The following FMN1 variants were observed in gnomAD, a reference collection of about 807,000 sequenced individuals.
FMN1 encodes formin 1.
In FMN1, 110 loss-of-function variants were observed where a neutral mutation model predicts 132.4. That is an observed-to-expected ratio of 0.83 (90% CI 0.71 to 0.97). FMN1 has a LOEUF of 0.97. Ranked by LOEUF, FMN1 falls within the 50% of genes least tolerant of loss-of-function variation. The pLI is 0.00. For synonymous variants in FMN1, 722 were observed against 651.7 expected, an observed-to-expected ratio of 1.11 and a Z score of -1.64; for missense variants, 1,792 against 1,705.3, an observed-to-expected ratio of 1.05 and a Z score of -0.90.
intron 6 of FMN1, among the ~76,000 whole-genome samples, chr15:33,043,871 G>A (rs911969839): frequency 6.6e-6 from 1 of 152,068 alleles, no homozygotes; most frequent in African/African-American, 2.4e-5. Flanking sequence ...GCCAGAAGCA[G>A]ACAAAAGCCC....
At chr15:32,850,006 TC>T (rs1351394864) in intron 17 of FMN1, among the ~76,000 whole-genome samples, 1 of 152,212 alleles carries the variant, frequency 6.6e-6, no homozygotes, top group East Asian at 1.9e-4. Context: ...ACTTAAGTGA[TC>T]CGGAAGTCAC....
At chr15:32,874,079 T>C (rs2141391749) in intron 16 of FMN1, among the ~76,000 whole-genome samples, 1 of 146,840 alleles carries the variant, frequency 6.8e-6, no homozygotes, top group Non-Finnish European at 1.5e-5. Context: ...TGCAGTGCAA[T>C]GGCGCGATCT....
chr15:33,185,924 AT>A (rs1468275548), intron 2 of FMN1, among the ~76,000 whole-genome samples: 3 of 152,138 alleles, frequency 2.0e-5, no homozygotes, highest in Non-Finnish European at 1.5e-5. Flanking sequence ...TGCCTATTGA[AT>A]TCTATAAAAA....
intron 6 of FMN1, among the ~76,000 whole-genome samples, chr15:33,010,900 TAA>T (rs1436798368): frequency 1.4e-5 from 2 of 143,570 alleles, no homozygotes; most frequent in Non-Finnish European, 3.1e-5. Flanking sequence ...CATATTTTAC[TAA>T]AAAAAAAAAA....
At chr15:32,946,767 G>A (rs532916524) in intron 9 of FMN1, among the ~76,000 whole-genome samples, 5 of 152,310 alleles carry the variant, frequency 3.3e-5, no homozygotes, top group Admixed American at 2.0e-4. Flanking sequence ...ACATACACGA[G>A]TAAGAGGCAT....
At chr15:33,086,852 G>A (rs1446225963) in intron 5 of FMN1, among the ~76,000 whole-genome samples, 6 of 152,222 alleles carry the variant, frequency 3.9e-5, no homozygotes, top group African/African-American at 1.4e-4. Context: ...TATCTGGAAT[G>A]TTGAATGCTG....
chr15:32,890,016 T>TA (rs1292798655), intron 15 of FMN1, among the ~76,000 whole-genome samples: 1 of 152,242 alleles, frequency 6.6e-6, no homozygotes, highest in Non-Finnish European at 1.5e-5. Context: ...AGTGAGAACA[T>TA]ACGATGTTTG....
intron 10 of FMN1, among the ~76,000 whole-genome samples, chr15:32,924,287 C>T (rs553747929): frequency 2.6e-5 from 4 of 152,284 alleles, no homozygotes; most frequent in African/African-American, 7.2e-5. Flanking sequence ...AGCTTAAATA[C>T]GATACAGCTT....
Position 32,910,465 on chromosome 15 carries a change from G to A in FMN1, c.3288+9C>T, listed in dbSNP as rs1320703302. The A allele has an allele frequency of 1.9e-6, 3 of 1,566,392 alleles. No homozygotes were observed. In the South Asian group the frequency reaches 3.5e-5, roughly 18 times the overall value. ...GGAAATACTAGCTCTGTAAGTCTTT[G>A]ACACTCACGTTTTCATATAAGGCTG... is the stretch of plus-strand genomic sequence containing the variant. On this transcript the variant is annotated intron_variant, in intron 11 of 20. Transcript: ENST00000616417.
intron 17 of FMN1, among the ~76,000 whole-genome samples, chr15:32,856,525 T>C (rs1282596914): frequency 1.3e-5 from 2 of 152,198 alleles, no homozygotes; most frequent in African/African-American, 2.4e-5. Context: ...TAGCAAGTGA[T>C]TGATGGGTGA....
chr15:32,934,167 TAA>T (rs2061197307), intron 9 of FMN1, among the ~76,000 whole-genome samples: 1 of 152,168 alleles, frequency 6.6e-6, no homozygotes, highest in Admixed American at 6.5e-5. Flanking sequence ...GAGACTTACA[TAA>T]AACATTTTAT....
At chr15:33,083,583 C>A (rs1389914061) in intron 5 of FMN1, among the ~76,000 whole-genome samples, 1 of 152,194 alleles carries the variant, frequency 6.6e-6, no homozygotes, top group African/African-American at 2.4e-5. Flanking sequence ...GCTCTGGACC[C>A]TTCCAGACCT....
chr15:33,004,602 A>G (rs1392546223), intron 7 of FMN1, among the ~76,000 whole-genome samples: 1 of 152,210 alleles, frequency 6.6e-6, no homozygotes, highest in Non-Finnish European at 1.5e-5. Context: ...ACTGTAAACC[A>G]GTTCAACCAT....
rs1343452020 is a variant in FMN1 at position 33,154,073 on chromosome 15, A to T, written c.842T>A (p.Ile281Asn). The change falls in exon 4 of 21, where the codon ATT (isoleucine) becomes AAT (asparagine). Residue 281 changes from isoleucine to asparagine, a missense_variant. By Grantham distance (149) the Ile-to-Asn change is moderately radical. Coordinates refer to ENST00000616417, the MANE Select transcript of FMN1 (RefSeq NM_001277313.2). The part of the protein sequence containing the change: ...CSSTEAGGDG[I>N]RRPPSGLEHQ... The stretch of plus-strand genomic sequence containing the variant: ...CTCCAGCCCGCTCGGCGGCCTCCGA[A>T]TGCCATCCCCTCCTGCCTCTGTGGA... The T allele has an allele frequency of 6.5e-7, 1 of 1,535,870 alleles. No homozygotes were observed. Among genetic ancestry groups the T allele is most frequent in the East Asian group, 2.4e-5 (1 of 40,912 alleles).
At chr15:33,038,965 T>C (rs986171115) in intron 6 of FMN1, among the ~76,000 whole-genome samples, 10 of 152,194 alleles carry the variant, frequency 6.6e-5, no homozygotes, top group Non-Finnish European at 1.5e-4. Context: ...GTGGGTATCT[T>C]GTTAAAAAGG....
At chr15:33,170,227 A>T (rs1014215563) in intron 3 of FMN1, among the ~76,000 whole-genome samples, 2 of 152,202 alleles carry the variant, frequency 1.3e-5, no homozygotes, top group Admixed American at 6.5e-5. Context: ...TAGAAGAAAT[A>T]AACTAGACTT....
chr15:32,846,257 T>C (rs2058853414), intron 17 of FMN1, among the ~76,000 whole-genome samples: 1 of 152,202 alleles, frequency 6.6e-6, no homozygotes, highest in South Asian at 2.1e-4. Flanking sequence ...AAACAGCTTC[T>C]GCACAACAAA....
chr15:32,926,793 A>G (rs2060973012), intron 9 of FMN1, among the ~76,000 whole-genome samples: 1 of 152,042 alleles, frequency 6.6e-6, no homozygotes, highest in Non-Finnish European at 1.5e-5. Flanking sequence ...TTTAGTCTAT[A>G]TTTTATTTTG....
intron 7 of FMN1, among the ~76,000 whole-genome samples, chr15:32,999,282 C>G (rs2033955342): frequency 6.6e-6 from 1 of 151,992 alleles, no homozygotes; most frequent in Admixed American, 6.6e-5. Context: ...ATGAAGAATA[C>G]AAAAAAATGG....
Sources: gnomAD v4.1 joint callset for allele counts (sites outside exome capture counted in the v4.1 genomes callset) on GRCh38, gnomAD v4.1.1 for gene constraint, MANE v1.5 for transcripts, NCBI Gene and HGNC (gene_info 2026-07-23, HGNC 2026-07-21) for gene names.